The following LRP2 variants were observed in gnomAD, a reference collection of about 807,000 sequenced individuals.
LRP2 encodes the protein low-density lipoprotein receptor-related protein 2.
LRP2 carries 172 observed loss-of-function variants against 531.0 expected under a neutral mutation model. The observed-to-expected ratio is 0.32, with a 90% CI of 0.29 to 0.37. The LOEUF (loss-of-function observed/expected upper bound fraction) is 0.37. Among genes scored for constraint, LRP2 ranks in the 10% least tolerant of loss-of-function variants. The pLI is 1.00. For missense variants in LRP2, 5,167 were observed against 5,868.3 expected (o/e 0.88, Z 3.90); for synonymous variants, 1,992 against 2,027.6 (o/e 0.98, Z 0.47).
At chr2:169,177,698 A>T in intron 53 of LRP2, 105 bp downstream of exon 53, 1 of 956,002 alleles carries the variant, frequency 1.0e-6, no homozygotes, top group Non-Finnish European at 1.7e-6. Context: ...AAACACTAAC[A>T]AGTGCAACAA....
intron 42 of LRP2, 122 bp from the exon 43 acceptor site, chr2:169,203,081 G>A (rs1219652618): frequency 3.0e-5 from 23 of 775,158 alleles, no homozygotes; most frequent in South Asian, 2.2e-4. Flanking sequence ...CGCCATGGAA[G>A]TTCTGCCCAT....
intron 4 of LRP2, among the ~76,000 whole-genome samples, chr2:169,295,338 G>A (rs1428522097): frequency 2.0e-4 from 31 of 152,216 alleles, no homozygotes; most frequent in Non-Finnish European, 7.3e-5. Context: ...AAAAGACCAT[G>A]TCTGGTAAAG....
intron 36 of LRP2, among the ~76,000 whole-genome samples, chr2:169,213,347 A>G (rs1411606182): frequency 6.6e-6 from 1 of 152,182 alleles, no homozygotes; most frequent in Non-Finnish European, 1.5e-5. Flanking sequence ...GTTATATTCT[A>G]ATAAGTAACA....
At chr2:169,338,367 A>AGAAG (rs1685469157) in intron 1 of LRP2, among the ~76,000 whole-genome samples, 1 of 112,052 alleles carries the variant, frequency 8.9e-6, no homozygotes, top group African/African-American at 3.9e-5. Flanking sequence ...AAGGAAAGAA[A>AGAAG]GAAAGAAAGA....
rs35413340 is a variant in LRP2, at chr2:169,206,870, T to C, written c.6850A>G (p.Thr2284Ala). The part of the protein sequence containing the change: ...GSRYPTPYGI[T>A]VFENSIIWVD... ...CATATGATAGAATTTTCAAAAACAG[T>C]GATGCCATAAGGAGTTGGGTAACGA... Residue 2284 changes from threonine to alanine, a missense_variant, in exon 39 of 79, where the codon ACT becomes GCT. Coordinates refer to ENST00000649046, the MANE Select transcript of LRP2 (RefSeq NM_004525.3). The C allele has an allele frequency of 3.3e-3, 5,350 of 1,614,168 alleles. 21 individuals are homozygous for C. Among genetic ancestry groups the C allele is most frequent in the Non-Finnish European group, 4.1e-3 (4,874 of 1,180,024 alleles).
chr2:169,178,717 C>T (rs1687309749), intron 52 of LRP2, among the ~76,000 whole-genome samples: 1 of 152,146 alleles, frequency 6.6e-6, no homozygotes. Flanking sequence ...GTTCCAAGGG[C>T]TTTCATTACT....
intron 33 of LRP2, among the ~76,000 whole-genome samples, chr2:169,221,484 C>T (rs1248254283): frequency 6.6e-6 from 1 of 152,090 alleles, no homozygotes; most frequent in Non-Finnish European, 1.5e-5. Context: ...GTTTATTGGA[C>T]TAGAAAGAAG....
rs148562167 is a variant in LRP2 at position 169,207,209 on chromosome 2, T to C, written c.6511A>G (p.Ile2171Val). The stretch of plus-strand genomic sequence containing the variant: ...GTAGTATTGATCCGCAGAACTTCTA[T>C]CAGTGTTTCAGAAACAAAGGCATTG... ...FTNAFVSETL[I>V]EVLRINTTYR... is the part of the protein sequence containing the mutation. The change falls in exon 39 of 79, where the codon ATA becomes GTA. Residue 2171 changes from isoleucine to valine, a missense_variant. By Grantham distance (29) the Ile-to-Val change is conservative. Transcript: ENST00000649046. The C allele has an allele frequency of 2.7e-5, 44 of 1,614,124 alleles. No homozygotes were observed. In the African/African-American group the frequency reaches 4.7e-4, roughly 17 times the overall value.
At chr2:169,262,081 G>C (rs1364208724) in intron 16 of LRP2, among the ~76,000 whole-genome samples, 1 of 151,978 alleles carries the variant, frequency 6.6e-6, no homozygotes, top group African/African-American at 2.4e-5. Context: ...ACTAGGTATT[G>C]ATGGGGCATA....
intron 3 of LRP2, among the ~76,000 whole-genome samples, chr2:169,309,843 T>C (rs1321319968): frequency 6.6e-6 from 1 of 152,254 alleles, no homozygotes; most frequent in East Asian, 1.9e-4. Context: ...ATATTGATTC[T>C]TCCTATCCAT....
chr2:169,173,972 C>T lies in LRP2; in HGVS notation c.10961G>A (p.Cys3654Tyr). Residue 3654 changes from cysteine to tyrosine, a missense_variant, in exon 56 of 79, where the codon TGT (cysteine) becomes TAT (tyrosine). Cys to Tyr is a radical substitution (Grantham distance 194). Coordinates refer to ENST00000649046, the MANE Select transcript of LRP2 (RefSeq NM_004525.3). Reference protein sequence around the residue: ...NGRCIPQAWKCDVDNDCGDHS... With the variant: ...NGRCIPQAWKYDVDNDCGDHS... ...GTCTCCACAATCATTATCCACATCA[C>T]ACTTCCAGGCCTGCGGGATGCAGCG... 6.2e-7 allele frequency: 1 copy of T among 1,614,248 alleles called. No individual in the cohort carries two copies. The highest frequency in any genetic ancestry group is 8.5e-7 in the Non-Finnish European group (1 of 1,180,048).
At position 169,175,280 on chromosome 2, in the gene LRP2, T is replaced by C. The variant is rs112419538; in HGVS notation, c.10681A>G (p.Ser3561Gly). The C allele has an allele frequency of 2.0e-5, 33 of 1,614,240 alleles. 2 individuals carry two copies. In the African/African-American group the frequency reaches 3.6e-4, roughly 18 times the overall value. The change falls in exon 55 of 79, where the codon AGT (serine) becomes GGT (glycine). Residue 3561 changes from serine to glycine, a missense_variant. Ser to Gly is a moderately conservative substitution (Grantham distance 56, BLOSUM62 0). Coordinates refer to ENST00000649046, the MANE Select transcript of LRP2 (RefSeq NM_004525.3). ...TGCGGGCTGGTGCAGTTGCCGTCAC[T>C]GCACTGGAACTGTCCCAGTCGGCAG... ...RFCRLGQFQC[S>G]DGNCTSPQTL...
In LRP2 at chr2:169,140,516, G is replaced by A; in HGVS notation, c.13138C>T (p.Pro4380Ser). The A allele has an allele frequency of 2.5e-6, 4 of 1,613,850 alleles. No individual in the cohort carries two copies. Among genetic ancestry groups the A allele is most frequent in the Non-Finnish European group, 3.4e-6 (4 of 1,179,780 alleles). ...TTTCCTCCGTGCATGCACCTGCATG[G>A]GGGGGGCAGGTTGATAGGCAGTTCG... The part of the protein sequence containing the change: ...AIELPINLPP[P>S]CRCMHGGNCY... The change falls in exon 72 of 79, where the codon CCA (proline) becomes TCA (serine). Residue 4380 changes from proline (P) to serine (S), a missense_variant. Around this residue, in one of 6 missense-constraint regions of LRP2, gnomAD observed 348 missense variants for 369.3 expected, o/e 0.94. Transcript: ENST00000649046.
intron 3 of LRP2, among the ~76,000 whole-genome samples, chr2:169,309,615 T>G (rs924599527): frequency 9.2e-5 from 14 of 152,330 alleles, no homozygotes; most frequent in African/African-American, 3.1e-4. Flanking sequence ...CATGCTGTTT[T>G]GGTTACTGTA....
Position 169,178,997 on chromosome 2 carries a change from A to AT in LRP2, c.10170-972dup, listed in dbSNP as rs1490748146. On this transcript the variant is annotated intron_variant, in intron 52 of 78. Transcript: ENST00000649046. ...TAGTCACCATCTGATTTATTTATTT[A>AT]TTTATTTATTTATTTATTTATTTAT... Among the ~76,000 whole-genome samples the AT allele has an allele frequency of 1.1e-4, 16 of 150,234 alleles. No individual in the cohort carries two copies. The East Asian group carries it at 3.1e-3, about 30-fold the overall frequency.
chr2:169,149,856 A>G (rs894455019), intron 68 of LRP2, among the ~76,000 whole-genome samples: 6 of 152,114 alleles, frequency 3.9e-5, no homozygotes, highest in Non-Finnish European at 7.4e-5. Context: ...AAAAAAAAAA[A>G]AGAATTTCTA....
At chr2:169,330,666 T>C (rs758521190) in intron 1 of LRP2, among the ~76,000 whole-genome samples, 4 of 152,028 alleles carry the variant, frequency 2.6e-5, no homozygotes, top group African/African-American at 4.8e-5. Context: ...ATGTACATCA[T>C]CCCTGACCCC....
At chr2:169,232,209 TAAA>T (rs202073364) in intron 30 of LRP2, among the ~76,000 whole-genome samples, 15 of 147,958 alleles carry the variant, frequency 1.0e-4, no homozygotes, top group South Asian at 2.1e-4. Flanking sequence ...CTTTTTGCAT[TAAA>T]AAAAAAAAAA....
chr2:169,157,464 C>G lies in LRP2; in HGVS notation c.11926G>C (p.Glu3976Gln). 6.2e-7 allele frequency: 1 copy of G among 1,613,070 alleles called. No individual in the cohort carries two copies. The highest frequency in any genetic ancestry group is 8.5e-7 in the Non-Finnish European group (1 of 1,179,438). Reference protein sequence around the residue: ...KERTCAENICEQNCTQLNEGG... With the variant: ...KERTCAENICQQNCTQLNEGG... ...TCATTTAATTGGGTACAATTTTGCTCGCATATATTTTCAGCACATGTTCTT... is the reference window on the plus strand; with the variant it reads ...TCATTTAATTGGGTACAATTTTGCTGGCATATATTTTCAGCACATGTTCTT... The change falls in exon 64 of 79, where the codon GAG becomes CAG. Residue 3976 changes from glutamate (E) to glutamine (Q), a missense_variant. By Grantham distance (29) the Glu-to-Gln change is conservative. Transcript: ENST00000649046.
Sources: allele counts gnomAD v4.1 joint callset (sites outside exome capture counted in the v4.1 genomes callset), GRCh38; gene constraint gnomAD v4.1.1; regional missense constraint gnomAD v4.1.1; transcripts MANE v1.5; gene names NCBI Gene and HGNC (gene_info 2026-07-23, HGNC 2026-07-21).